The following NOTCH1 variants were observed in gnomAD, a reference collection of about 807,000 sequenced individuals.
The protein encoded by NOTCH1 is neurogenic locus notch homolog protein 1.
In NOTCH1, 37 loss-of-function variants were observed where a neutral mutation model predicts 254.8. The observed-to-expected ratio is 0.15, with a 90% CI of 0.11 to 0.19. NOTCH1 has a LOEUF of 0.19. NOTCH1 is among the 10% of genes least tolerant of loss of function. NOTCH1 has a pLI of 1.00. For synonymous variants in NOTCH1, 1,731 were observed against 1,618.1 expected, an observed-to-expected ratio of 1.07 and a Z score of -1.68; for missense variants, 2,972 against 3,708.6, an observed-to-expected ratio of 0.80 and a Z score of 5.16.
In NOTCH1 at chr9:136,495,750, G is replaced by T. The variant is rs1233113934; in HGVS notation, c.*321C>A. 8 of 412,584 alleles carry T rather than the reference G, an allele frequency of 1.9e-5. No homozygotes were observed. Among genetic ancestry groups the T allele is most frequent in the Non-Finnish European group, 3.4e-5 (8 of 233,310 alleles). 25.6% of individuals were successfully genotyped at this position (412,584 alleles called of 1,614,324 possible). A position where few individuals can be genotyped will look rare whatever the true frequency, so the allele number is the denominator to read the frequency against. On this transcript the variant is annotated 3_prime_UTR_variant, in exon 34 of 34. Transcript: ENST00000651671. ...TGGCATTTATAAATCATGAATCTTT[G>T]TTTATATTTTATAAACACAGAAGAA...
chr9:136,514,415 G>A (rs1176774163), intron 13 of NOTCH1, 95 bp downstream of exon 13: 9 of 1,370,456 alleles, frequency 6.6e-6, no homozygotes, highest in Non-Finnish European at 8.0e-6. Context: ...CCCGTTTCTG[G>A]CCCATCTCAA....
intron 4 of NOTCH1, among the ~76,000 whole-genome samples, chr9:136,522,001 G>A (rs1272033344): frequency 4.1e-5 from 6 of 145,338 alleles, no homozygotes; most frequent in African/African-American, 1.0e-4. Context: ...TTTTTGAGAC[G>A]GAGTCTCGCT....
intron 27 of NOTCH1, 121 bp downstream of exon 27, chr9:136,503,061 C>G: frequency 1.4e-6 from 2 of 1,437,996 alleles, no homozygotes; most frequent in East Asian, 4.6e-5. Context: ...CCTACCCCAA[C>G]TCGGACGGCA....
intron 26 of NOTCH1, among the ~76,000 whole-genome samples, chr9:136,503,780 G>A (rs1441440465): frequency 6.6e-6 from 1 of 152,140 alleles, no homozygotes; most frequent in Admixed American, 6.5e-5. Context: ...CCCAGGACTG[G>A]GTTCCCGTGA....
At position 136,506,801 on chromosome 9, in the gene NOTCH1, C is replaced by A; in HGVS notation, c.3816G>T (p.Leu1272=). ...TGCCACGGGCGTCGCAGGGATTGGA[C>A]AGGCACTCGTTGACATCCCCCTCAC... ...ERCEGDVNEC[L]SNPCDARGTQ... Residue 1272 remains leucine (L), a synonymous_variant, in exon 23 of 34, where the codon CTG becomes CTT. Coordinates refer to ENST00000651671, the MANE Select transcript of NOTCH1 (RefSeq NM_017617.5). This position sits in a 1 kb window ranked among gnomAD's most constrained non-coding sequence, Gnocchi z 4.5. 6.2e-7 allele frequency: 1 copy of A among 1,611,910 alleles called. No individual in the cohort carries two copies. The highest frequency in any genetic ancestry group is 8.5e-7 in the Non-Finnish European group (1 of 1,179,518).
Position 136,506,523 on chromosome 9 carries a change from C to T in NOTCH1, c.4014+4G>A, listed in dbSNP as rs2133342332. Reference sequence around the variant, plus strand: ...CCCCTGCCTCCCTGCACCCCTGCACCTACCGCAGGGCACTTGCAGATGAAC... The same window carrying T: ...CCCCTGCCTCCCTGCACCCCTGCACTTACCGCAGGGCACTTGCAGATGAAC... On this transcript the variant is annotated splice_donor_region_variant and intron_variant, in intron 24 of 33. Coordinates refer to ENST00000651671, the MANE Select transcript of NOTCH1 (RefSeq NM_017617.5). This position sits in a 1 kb window ranked among gnomAD's most constrained non-coding sequence, Gnocchi z 4.5. 1 of 1,587,982 alleles carries T rather than the reference C, an allele frequency of 6.3e-7. No individual in the cohort carries two copies. Among genetic ancestry groups the T allele is most frequent in the Non-Finnish European group, 8.6e-7 (1 of 1,168,448 alleles).
rs746376937 is a variant in NOTCH1, at chr9:136,517,983, C to CCTCA, written c.1256-47_1256-46insTGAG. On this transcript the variant is annotated intron_variant, in intron 7 of 33. Coordinates refer to ENST00000651671, the MANE Select transcript of NOTCH1 (RefSeq NM_017617.5). Reference sequence around the variant, plus strand: ...AGAGGCTGCTCCAGGCACCCTGGCCCCTGCAACACCTCACTGCACACCACC... The same window carrying CCTCA: ...AGAGGCTGCTCCAGGCACCCTGGCCCCTCACTGCAACACCTCACTGCACACCACC... 1.1e-4 allele frequency: 180 copies of CCTCA among 1,598,100 alleles called. No individual in the cohort carries two copies. In the African/African-American group the frequency reaches 2.0e-3, roughly 18 times the overall value.
In NOTCH1 at chr9:136,517,802, T is replaced by G. The variant is rs2133368471; in HGVS notation, c.1391A>C (p.Asp464Ala). ...CCCAATCTGGTCCAGGCAGGTGGCGTCGTTCTGGCACGGGTTCGAGACGCA... is the reference window on the plus strand; with the variant it reads ...CCCAATCTGGTCCAGGCAGGTGGCGGCGTTCTGGCACGGGTTCGAGACGCA... ...NECVSNPCQN[D>A]ATCLDQIGEF... The change falls in exon 8 of 34, where the codon GAC becomes GCC. Residue 464 changes from aspartate (D) to alanine (A), a missense_variant. Around this residue, in one of 8 missense-constraint regions of NOTCH1, gnomAD observed 90 missense variants for 183.6 expected, o/e 0.49. Coordinates refer to ENST00000651671, the MANE Select transcript of NOTCH1 (RefSeq NM_017617.5). 1 of 1,612,664 alleles carries G rather than the reference T, an allele frequency of 6.2e-7. No individual in the cohort carries two copies. The highest frequency in any genetic ancestry group is 8.5e-7 in the Non-Finnish European group (1 of 1,179,914).
At chr9:136,543,950 G>A (rs1261964464) in intron 2 of NOTCH1, 74 bp downstream of exon 2, 1 of 1,356,192 alleles carries the variant, frequency 7.4e-7, no homozygotes, top group Non-Finnish European at 1.0e-6. Flanking sequence ...CTAGTGTTCT[G>A]TCCCCTGCGC....
At position 136,501,775 on chromosome 9, in the gene NOTCH1, A is replaced by G. The variant is rs2133328585; in HGVS notation, c.5611T>C (p.Cys1871Arg). The G allele has an allele frequency of 6.2e-7, 1 of 1,612,532 alleles. No individual in the cohort carries two copies. The highest frequency in any genetic ancestry group is 8.5e-7 in the Non-Finnish European group (1 of 1,179,972). The change falls in exon 30 of 34, where the codon TGC (cysteine) becomes CGC (arginine). Residue 1871 changes from cysteine to arginine, a missense_variant. Around this residue, in one of 8 missense-constraint regions of NOTCH1, gnomAD observed 421 missense variants for 604.4 expected, o/e 0.70. Transcript: ENST00000651671. ...TPPQGEVDAD[C>R]MDVNVRGPDG... Reference sequence around the variant, plus strand: ...GGCCCGCGGACATTGACGTCCATGCAGTCGGCGTCAACCTCACCCTGGGGC... The same window carrying G: ...GGCCCGCGGACATTGACGTCCATGCGGTCGGCGTCAACCTCACCCTGGGGC...
chr9:136,537,574 T>C (rs56264830), intron 2 of NOTCH1, among the ~76,000 whole-genome samples: 19,042 of 152,222 alleles, frequency 0.13, 2,739 homozygotes, highest in African/African-American at 0.35. Flanking sequence ...AGCAACAGCA[T>C]GCTTTAGTTC....
rs771904231 is a variant in NOTCH1 at position 136,505,122 on chromosome 9, C to T, written c.4587-18G>A. The T allele has an allele frequency of 2.4e-5, 38 of 1,603,160 alleles. No individual in the cohort carries two copies. The highest frequency in any genetic ancestry group is 1.1e-4 in the East Asian group (5 of 44,766). On this transcript the variant is annotated intron_variant, in intron 25 of 33. Coordinates refer to ENST00000651671, the MANE Select transcript of NOTCH1 (RefSeq NM_017617.5). ...ACAGGGGGCTGTGGGGGGCGGGACA[C>T]GCTCAGGCCGCCTTCCTCGGGGGGC... is the stretch of plus-strand genomic sequence containing the variant.
chr9:136,505,726 G>C lies in NOTCH1; in HGVS notation c.4170C>G (p.Pro1390=). ...TGTAGCAGGGGTTGCCGCCCAGGCAGGGGCTGCTGGCCGGGAACTGGCATT... is the reference window on the plus strand; with the variant it reads ...TGTAGCAGGGGTTGCCGCCCAGGCACGGGCTGCTGGCCGGGAACTGGCATT... The part of the protein sequence containing the change: ...GPECQFPASS[P]CLGGNPCYNQ... Residue 1390 remains proline, a synonymous_variant, in exon 25 of 34, where the codon CCC becomes CCG. Transcript: ENST00000651671. The C allele has an allele frequency of 6.3e-7, 1 of 1,595,950 alleles. No homozygotes were observed. The highest frequency in any genetic ancestry group is 8.6e-7 in the Non-Finnish European group (1 of 1,169,294).
Position 136,513,295 on chromosome 9 carries a change from T to A in NOTCH1, c.2353+97A>T. ...GCTTTGCCACGGGAGGGAGACACCA[T>A]GCATGGTGCTGGCTGGACCTGGGTC... is the stretch of plus-strand genomic sequence containing the variant. On this transcript the variant is annotated intron_variant, in intron 14 of 33. Coordinates refer to ENST00000651671, the MANE Select transcript of NOTCH1 (RefSeq NM_017617.5). This position sits in a 1 kb window ranked among gnomAD's most constrained non-coding sequence, Gnocchi z 4.7. 6.4e-7 allele frequency: 1 copy of A among 1,573,014 alleles called. No homozygotes were observed. Among genetic ancestry groups the A allele is most frequent in the Admixed American group, 1.7e-5 (1 of 58,520 alleles).
intron 27 of NOTCH1, chr9:136,502,839 G>A (rs1307574390): frequency 7.0e-6 from 4 of 575,112 alleles, no homozygotes; most frequent in Admixed American, 2.7e-5. Context: ...ACATGACACC[G>A]ATCAATTCTT....
At chr9:136,524,927 C>T (rs1272702423) in intron 2 of NOTCH1, among the ~76,000 whole-genome samples, 3 of 152,170 alleles carry the variant, frequency 2.0e-5, no homozygotes, top group South Asian at 4.1e-4. Context: ...TAAGCCACCG[C>T]GCCCGGCCAG....
chr9:136,522,808 C>G (rs1028699073), intron 4 of NOTCH1, 42 bp downstream of exon 4: 1 of 1,441,526 alleles, frequency 6.9e-7, no homozygotes, highest in African/African-American at 1.4e-5. Flanking sequence ...GGCCTGGCAG[C>G]CGGGGAGGGG....
At chr9:136,520,690 G>A (rs906490752) in intron 4 of NOTCH1, among the ~76,000 whole-genome samples, 3 of 151,962 alleles carry the variant, frequency 2.0e-5, no homozygotes, top group African/African-American at 7.3e-5. Context: ...GTGAGCTGAG[G>A]GCACGTCACT....
In NOTCH1 at chr9:136,506,738, G is replaced by A. The variant is rs777242726; in HGVS notation, c.3879C>T (p.Cys1293=). 3.1e-6 allele frequency: 5 copies of A among 1,601,410 alleles called. No homozygotes were observed. Among genetic ancestry groups the A allele is most frequent in the Non-Finnish European group, 3.4e-6 (4 of 1,174,840 alleles). The change falls in exon 23 of 34, where the codon TGC becomes TGT. Residue 1293 remains cysteine (C), a synonymous_variant. Transcript: ENST00000651671. This position sits in a 1 kb window ranked among gnomAD's most constrained non-coding sequence, Gnocchi z 4.5. ...CACCGGTGTGACCAGCACGGCACTC[G>A]CAGTGGAAGTCATTGACGCGCTGCA... ...NCVQRVNDFH[C]ECRAGHTGRR...
Sources: allele counts gnomAD v4.1 joint callset (sites outside exome capture counted in the v4.1 genomes callset), GRCh38; gene constraint gnomAD v4.1.1; regional missense constraint gnomAD v4.1.1; non-coding constraint Gnocchi (gnomAD v3.1); transcripts MANE v1.5; gene names NCBI Gene and HGNC (gene_info 2026-07-23, HGNC 2026-07-21).